GPAT3: variants seen among roughly 807,000 people sequenced by gnomAD.
GPAT3 encodes 1-AGP acyltransferase 9.
In GPAT3, 53 loss-of-function variants were observed where a neutral mutation model predicts 58.8. The observed-to-expected ratio is 0.90, with a 90% CI of 0.72 to 1.13. The LOEUF is 1.13. Among genes scored for constraint, GPAT3 ranks in the 50% most tolerant of loss-of-function variants. The pLI is 0.00. For missense variants in GPAT3, 511 were observed against 527.6 expected (o/e 0.97, Z 0.31); for synonymous variants, 197 against 187.4 (o/e 1.05, Z -0.42).
Position 83,583,667 on chromosome 4 carries a change from G to GGAAAAAAAA in GPAT3, c.479+1835_479+1836insGAAAAAAAA, listed in dbSNP as rs1553947553. ...GGGTGACAGAGCGAGACTCTTGTCT[G>GGAAAAAAAA]AAAAAAAAAAAAAAAAAAAAAAAAA... On this transcript the variant is annotated intron_variant, in intron 3 of 11. Transcript: ENST00000264409. Among the ~76,000 whole-genome samples, 182 of 23,478 alleles carry GGAAAAAAAA rather than the reference G, an allele frequency of 7.8e-3. 2 individuals are homozygous for GGAAAAAAAA. Among genetic ancestry groups the GGAAAAAAAA allele is most frequent in the African/African-American group, 0.033 (173 of 5,232 alleles). The allele number at this position is 23,478 out of a possible 152,430, so 15.4% of individuals were successfully genotyped here.
chr4:83,590,317 A>C, intron 6 of GPAT3, 25 bp downstream of exon 6: 1 of 1,599,332 alleles, frequency 6.3e-7, no homozygotes, highest in Non-Finnish European at 8.5e-7. Flanking sequence ...TTGATATTTC[A>C]AGTAGTTGCA....
rs770772115 is a variant in GPAT3, at chr4:83,581,756, C to T, written c.403C>T (p.Gln135Ter). ...NLLTRTNVNFQYISLRLTMVW... is the reference protein window; with the variant it reads ...NLLTRTNVNF ...CCTCACAAGAACCAATGTAAATTTC[C>T]AGTACATCAGTCTGCGGCTCACTAT... is the stretch of plus-strand genomic sequence containing the variant. The change falls in exon 3 of 12, where the codon CAG becomes TAG. Residue 135 changes from glutamine to a stop codon, truncating the protein, a stop_gained. Coordinates refer to ENST00000264409, the MANE Select transcript of GPAT3 (RefSeq NM_032717.5). LOFTEE classifies it high-confidence loss of function. 4.3e-6 allele frequency: 7 copies of T among 1,614,186 alleles called. No individual in the cohort carries two copies. Among genetic ancestry groups the T allele is most frequent in the Non-Finnish European group, 5.9e-6 (7 of 1,180,034 alleles).
chr4:83,565,818 C>T (rs1311952587), intron 2 of GPAT3, among the ~76,000 whole-genome samples: 4 of 152,258 alleles, frequency 2.6e-5, no homozygotes, highest in Admixed American at 6.5e-5. Flanking sequence ...TCTCGGCCTC[C>T]ACCCAATTTG....
intron 2 of GPAT3, among the ~76,000 whole-genome samples, chr4:83,565,099 T>C (rs755118285): frequency 1.3e-5 from 2 of 151,968 alleles, no homozygotes; most frequent in Non-Finnish European, 2.9e-5. Context: ...TATTTATTTA[T>C]TTATTTATTT....
At chr4:83,559,843 G>C (rs1560609480) in intron 2 of GPAT3, among the ~76,000 whole-genome samples, 1 of 152,166 alleles carries the variant, frequency 6.6e-6, no homozygotes, top group Non-Finnish European at 1.5e-5. Context: ...CAGTAGGCTG[G>C]GGAGATGGAA....
chr4:83,538,720 T>G (rs778006560), intron 1 of GPAT3, among the ~76,000 whole-genome samples: 1 of 152,180 alleles, frequency 6.6e-6, no homozygotes, highest in Non-Finnish European at 1.5e-5. Context: ...GATCTGACTT[T>G]CAGTTTGACA....
chr4:83,547,428 A>AT (rs1256039327), intron 2 of GPAT3, among the ~76,000 whole-genome samples: 2 of 151,076 alleles, frequency 1.3e-5, no homozygotes, highest in Non-Finnish European at 3.0e-5. Flanking sequence ...AATTTTTTGT[A>AT]TTTTTAGTAG....
chr4:83,578,247 AT>A (rs1725892418), intron 2 of GPAT3, among the ~76,000 whole-genome samples: 1 of 152,124 alleles, frequency 6.6e-6, no homozygotes, highest in African/African-American at 2.4e-5. Context: ...TTTTAAATTA[AT>A]TTTTTGTATG....
At chr4:83,540,811 T>C (rs1468017660) in intron 1 of GPAT3, among the ~76,000 whole-genome samples, 1 of 152,182 alleles carries the variant, frequency 6.6e-6, no homozygotes, top group African/African-American at 2.4e-5. Context: ...TGCCTCAGCC[T>C]CCTAAGTAGC....
intron 7 of GPAT3, 125 bp from the exon 8 acceptor site, chr4:83,596,733 C>T (rs944244102): frequency 2.8e-6 from 2 of 716,462 alleles, no homozygotes; most frequent in Middle Eastern, 3.6e-4. Flanking sequence ...ATTTCTTTTA[C>T]CTGTATCTCA....
chr4:83,592,529 G>C (rs1008072678), intron 6 of GPAT3, among the ~76,000 whole-genome samples: 1 of 152,186 alleles, frequency 6.6e-6, no homozygotes, highest in African/African-American at 2.4e-5. Context: ...GTATACAACA[G>C]ATGTTTTGAT....
At chr4:83,535,948 G>A, upstream of GPAT3, 1 of 985,590 alleles carries the variant, frequency 1.0e-6, no homozygotes, top group Non-Finnish European at 1.2e-6. Context: ...GACCTTTGCT[G>A]AGTGCTGGGG....
In GPAT3 at chr4:83,604,855, T is replaced by G; in HGVS notation, c.*88T>G. On this transcript the variant is annotated 3_prime_UTR_variant, in exon 12 of 12. Transcript: ENST00000264409. ...TTTGTTTTGTTTTATTGTTTTGTTT[T>G]TATTATTGTTAATCTTTTCTACAGA... is the stretch of plus-strand genomic sequence containing the variant. The G allele has an allele frequency of 9.4e-7, 1 of 1,067,822 alleles. No homozygotes were observed. Among genetic ancestry groups the G allele is most frequent in the Non-Finnish European group, 1.4e-6 (1 of 735,288 alleles). 66.1% of individuals were successfully genotyped at this position (1,067,822 alleles called of 1,614,324 possible).
chr4:83,547,413 C>A (rs1452068301), intron 2 of GPAT3, among the ~76,000 whole-genome samples: 1 of 151,576 alleles, frequency 6.6e-6, no homozygotes, highest in South Asian at 2.1e-4. Flanking sequence ...CCACCACGCC[C>A]AGCTAATTTT....
In GPAT3 at chr4:83,572,477, C is replaced by CT. The variant is rs539200222; in HGVS notation, c.209-9077dup. Among the ~76,000 whole-genome samples the CT allele has an allele frequency of 2.6e-5, 4 of 151,868 alleles. No individual in the cohort carries two copies. The East Asian group carries it at 5.8e-4, about 22-fold the overall frequency. ...TTATCAAGAATTTGCTACATCTATT[C>CT]TTTTTTTTCAGGTTTTCCTTTGTGT... On this transcript the variant is annotated intron_variant, in intron 2 of 11. Coordinates refer to ENST00000264409, the MANE Select transcript of GPAT3 (RefSeq NM_032717.5).
intron 1 of GPAT3, among the ~76,000 whole-genome samples, chr4:83,538,965 ATT>A (rs1274703433): frequency 6.6e-6 from 1 of 152,156 alleles, no homozygotes; most frequent in Non-Finnish European, 1.5e-5. Flanking sequence ...GCCAGCTCTG[ATT>A]TGTTGGTTGC....
intron 11 of GPAT3, among the ~76,000 whole-genome samples, chr4:83,604,243 G>A (rs2110114264): frequency 1.3e-5 from 2 of 152,192 alleles, no homozygotes; most frequent in South Asian, 4.1e-4. Context: ...AGCTAATTTT[G>A]TATTTTTAGT....
chr4:83,555,625 G>A lies in GPAT3; in HGVS notation c.208+11023G>A, dbSNP rs150044540. Reference sequence around the variant, plus strand: ...TTAAAATATCCTTTGTAATACATCAGCACTAGTAAGTAAAGTGTTTCCCTG... The same window carrying A: ...TTAAAATATCCTTTGTAATACATCAACACTAGTAAGTAAAGTGTTTCCCTG... On this transcript the variant is annotated intron_variant, in intron 2 of 11. Transcript: ENST00000264409. 8.5e-5 allele frequency among the ~76,000 whole-genome samples: 13 copies of A among 152,250 alleles called. No individual in the cohort carries two copies. The East Asian group carries it at 2.5e-3, about 29-fold the overall frequency.
At chr4:83,561,691 T>A (rs1284072378) in intron 2 of GPAT3, among the ~76,000 whole-genome samples, 1 of 151,958 alleles carries the variant, frequency 6.6e-6, no homozygotes, top group Non-Finnish European at 1.5e-5. Context: ...AGCCCAACTG[T>A]GCTAATCGAT....
Sources: allele counts gnomAD v4.1 joint callset (sites outside exome capture counted in the v4.1 genomes callset), GRCh38; gene constraint gnomAD v4.1.1; transcripts MANE v1.5; gene names NCBI Gene and HGNC (gene_info 2026-07-23, HGNC 2026-07-21).